Variants in PPP2R3B observed in about 807,000 individuals in gnomAD.
PPP2R3B encodes protein phosphatase 2 regulatory subunit B''beta.
PPP2R3B carries 68 observed loss-of-function variants against 72.9 expected under a neutral mutation model. The observed-to-expected ratio is 0.93, with a 90% CI of 0.77 to 1.14. PPP2R3B has a LOEUF of 1.14. Among genes scored for constraint, PPP2R3B ranks in the 50% most tolerant of loss-of-function variants. PPP2R3B has a pLI of 0.00. For synonymous variants in PPP2R3B, 466 were observed against 375.8 expected (o/e 1.24, Z -2.78); for missense variants, 1,018 against 842.0 (o/e 1.21, Z -2.59).
chrX:361,623 C>T (rs1224759275), intron 1 of PPP2R3B, 33 bp from the exon 2 acceptor site: 11 of 1,607,700 alleles, frequency 6.8e-6, no homozygotes, highest in Non-Finnish European at 9.4e-6. Context: ...TCAGTTAGAA[C>T]CTGGGAGCAT....
chrX:382,397 C>T (rs1003585916), intron 1 of PPP2R3B, among the ~76,000 whole-genome samples: 2 of 151,936 alleles, frequency 1.3e-5, no homozygotes, highest in Non-Finnish European at 2.9e-5. Context: ...AGGGTTTCAC[C>T]ATGTTGGCCA....
chrX:373,589 G>A (rs1163796631), intron 1 of PPP2R3B: 10 of 291,382 alleles, frequency 3.4e-5, no homozygotes, highest in African/African-American at 1.8e-4. Flanking sequence ...AGTCGCAGCC[G>A]CGGGCCAGTG....
chrX:382,193 TTTC>T (rs1207196306), intron 1 of PPP2R3B, among the ~76,000 whole-genome samples: 1 of 140,784 alleles, frequency 7.1e-6, no homozygotes, highest in African/African-American at 2.7e-5. Context: ...CATCTTTTTT[TTTC>T]TTTTTTTTTT....
chrX:373,605 A>G (rs1282269302), intron 1 of PPP2R3B: 1 of 298,318 alleles, frequency 3.4e-6, no homozygotes, highest in South Asian at 2.6e-5. Flanking sequence ...CAGTGAGGCC[A>G]GCTCCTGGCG....
At chrX:373,571 C>T (rs770060842) in intron 1 of PPP2R3B, 25 of 283,390 alleles carry the variant, frequency 8.8e-5, no homozygotes, top group African/African-American at 4.7e-4. Context: ...ACCGAGAGGG[C>T]AGCACGAAGT....
At chrX:366,485 A>G (rs867440461) in intron 1 of PPP2R3B, among the ~76,000 whole-genome samples, 6 of 4,430 alleles carry the variant, frequency 1.4e-3, no homozygotes, top group African/African-American at 7.9e-3. Context: ...GTGAGCTGAG[A>G]TCGCACTACT....
chrX:369,701 G>A (rs546700723), intron 1 of PPP2R3B, among the ~76,000 whole-genome samples: 2 of 152,224 alleles, frequency 1.3e-5, no homozygotes, highest in African/African-American at 4.8e-5. Context: ...GGCAGGGCGC[G>A]GTGACCAGCA....
intron 1 of PPP2R3B, chrX:374,083 G>A (rs763167606): frequency 6.6e-6 from 1 of 151,796 alleles, no homozygotes; most frequent in African/African-American, 2.4e-5. Context: ...AGGTCCCCGA[G>A]AGGAGAGCCT....
At position 340,237 on chromosome X, in the gene PPP2R3B, G is replaced by A. The variant is rs865900940; in HGVS notation, c.1351+528C>T. Among the ~76,000 whole-genome samples the A allele has an allele frequency of 2.8e-4, 38 of 137,400 alleles. 4 individuals are homozygous for A. The highest frequency in any genetic ancestry group is 5.8e-4 in the African/African-American group (21 of 36,368). 90.1% of individuals were successfully genotyped at this position (137,400 alleles called of 152,430 possible). ...GGGTGAGGGGAGGACCGCCTTGTGCGGCATCAGCACGAACGTGGCAACTGC... is the reference window on the plus strand; with the variant it reads ...GGGTGAGGGGAGGACCGCCTTGTGCAGCATCAGCACGAACGTGGCAACTGC... On this transcript the variant is annotated intron_variant, in intron 10 of 12. Transcript: ENST00000390665.
chrX:346,037 G>A, intron 6 of PPP2R3B, 137 bp downstream of exon 6: 2 of 529,550 alleles, frequency 3.8e-6, no homozygotes, highest in Non-Finnish European at 6.7e-6. Flanking sequence ...TGGGAGCGCG[G>A]TGGAGGTGGG....
chrX:383,630 G>T (rs1298101161), intron 1 of PPP2R3B, among the ~76,000 whole-genome samples: 1 of 151,840 alleles, frequency 6.6e-6, no homozygotes, highest in East Asian at 1.9e-4. Context: ...GAGGTCAGGA[G>T]ATCAAGACCA....
chrX:383,526 C>T (rs905275368), intron 1 of PPP2R3B, among the ~76,000 whole-genome samples: 4 of 152,018 alleles, frequency 2.6e-5, no homozygotes, highest in Non-Finnish European at 5.9e-5. Context: ...TATAAAACGA[C>T]AGAAAGCATT....
Position 370,183 on chromosome X carries a change from G to A in PPP2R3B, c.325-8593C>T, listed in dbSNP as rs1314510825. On this transcript the variant is annotated intron_variant, in intron 1 of 12. Transcript: ENST00000390665. ...CGAACACGGAGATGAGAGGCCCCAC[G>A]TGTGGGTTTAAAAATCCCCTCTCTA... Among the ~76,000 whole-genome samples, 6 of 152,212 alleles carry A rather than the reference G, an allele frequency of 3.9e-5. No individual in the cohort carries two copies. The South Asian group carries it at 6.2e-4, about 16-fold the overall frequency.
At chrX:355,352 T>C (rs1397058818) in intron 2 of PPP2R3B, among the ~76,000 whole-genome samples, 1 of 152,132 alleles carries the variant, frequency 6.6e-6, no homozygotes, top group East Asian at 1.9e-4. Context: ...GAAAGATGCC[T>C]GAAATAAGGG....
At position 334,033 on chromosome X, in the gene PPP2R3B, C is replaced by G. The variant is rs959570919; in HGVS notation, c.*334G>C. ...GAGGCTCCTGTCCAGGACTGAGGCG[C>G]CCGGGAGCCGCCGGTCACCGTTGTG... On this transcript the variant is annotated 3_prime_UTR_variant, in exon 13 of 13. Coordinates refer to ENST00000390665, the MANE Select transcript of PPP2R3B (RefSeq NM_013239.5). 1.4e-4 allele frequency: 35 copies of G among 251,822 alleles called. No individual in the cohort carries two copies. Among genetic ancestry groups the G allele is most frequent in the African/African-American group, 7.4e-4 (33 of 44,744 alleles). The allele number at this position is 251,822 out of a possible 1,614,324, so 15.6% of individuals were successfully genotyped here. A position where few individuals can be genotyped will look rare whatever the true frequency, so the allele number is the denominator to read the frequency against.
intron 2 of PPP2R3B, chrX:347,968 C>T (rs2071258631): frequency 4.8e-6 from 2 of 419,910 alleles, no homozygotes; most frequent in Non-Finnish European, 8.4e-6. Context: ...GCTGCATCCC[C>T]AGCGTCTGGA....
intron 12 of PPP2R3B, chrX:336,766 CA>C (rs2070899833): frequency 6.6e-6 from 1 of 152,204 alleles, no homozygotes. Context: ...GCACCGCTGA[CA>C]ACAGGAAAAC....
At chrX:346,923 G>C (rs1391091243) in intron 4 of PPP2R3B, 148 bp from the exon 5 acceptor site, 1 of 782,980 alleles carries the variant, frequency 1.3e-6, no homozygotes, top group Non-Finnish European at 2.1e-6. Flanking sequence ...GAGGCGTATG[G>C]TGTAGACGCC....
intron 1 of PPP2R3B, among the ~76,000 whole-genome samples, chrX:384,004 G>A (rs2072187107): frequency 6.6e-6 from 1 of 151,962 alleles, no homozygotes; most frequent in Non-Finnish European, 1.5e-5. Context: ...TCGTAAGACT[G>A]ACAGAACAGA....
Sources: gnomAD v4.1 joint callset for allele counts (sites outside exome capture counted in the v4.1 genomes callset) on GRCh38, gnomAD v4.1.1 for gene constraint, MANE v1.5 for transcripts, NCBI Gene and HGNC (gene_info 2026-07-23, HGNC 2026-07-21) for gene names.